The following SAMD8 variants were observed in gnomAD, a reference collection of about 807,000 sequenced individuals.
The protein encoded by SAMD8 is sterile alpha motif domain containing 8, also known as sphingomyelin synthase-related protein 1.
A neutral mutation model predicts 42.0 loss-of-function variants in SAMD8; 20 were observed. That is an observed-to-expected ratio of 0.48 (90% CI 0.34 to 0.69). The LOEUF (loss-of-function observed/expected upper bound fraction) is 0.69, where lower values mean the gene tolerates loss of function less well. Among genes scored for constraint, SAMD8 ranks in the 30% least tolerant of loss-of-function variants. The pLI, the probability that SAMD8 is intolerant of heterozygous loss-of-function variation, is 0.01. For synonymous variants in SAMD8, 162 were observed against 173.0 expected, an observed-to-expected ratio of 0.94 and a Z score of 0.50; for missense variants, 328 against 511.6, an observed-to-expected ratio of 0.64 and a Z score of 3.46.
intron 1 of SAMD8, among the ~76,000 whole-genome samples, chr10:75,146,590 CT>C (rs980043382): frequency 1.3e-5 from 2 of 151,862 alleles, no homozygotes; most frequent in African/African-American, 2.4e-5. Context: ...CTGGCTGAAA[CT>C]TTTTTTTCCC....
At chr10:75,117,858 C>T (rs1050075403) in intron 1 of SAMD8, among the ~76,000 whole-genome samples, 1 of 152,162 alleles carries the variant, frequency 6.6e-6, no homozygotes, top group African/African-American at 2.4e-5. Flanking sequence ...GAACCCTTTA[C>T]CAAATTTATC....
At chr10:75,107,884 A>C, upstream of SAMD8, 1 of 1,321,386 alleles carries the variant, frequency 7.6e-7, no homozygotes, top group Non-Finnish European at 1.0e-6. Context: ...GCCTAAGCAG[A>C]GGATTTTTAA....
intron 2 of SAMD8, among the ~76,000 whole-genome samples, chr10:75,159,246 C>T (rs765802786): frequency 3.3e-5 from 5 of 151,668 alleles, no homozygotes; most frequent in Non-Finnish European, 5.9e-5. Flanking sequence ...TTAGTAGAGA[C>T]GGGGTTTCAC....
chr10:75,171,101 A>T (rs1250325332), intron 4 of SAMD8, among the ~76,000 whole-genome samples: 1 of 141,358 alleles, frequency 7.1e-6, no homozygotes, highest in Admixed American at 7.0e-5. Context: ...ACAAGGTAGG[A>T]TTATATTGCA....
At chr10:75,134,909 A>AT (rs1472054885) in intron 1 of SAMD8, among the ~76,000 whole-genome samples, 2 of 151,932 alleles carry the variant, frequency 1.3e-5, no homozygotes, top group Non-Finnish European at 2.9e-5. Flanking sequence ...AGTAAAAAAA[A>AT]AATTAGCCAA....
At chr10:75,136,626 A>C (rs575161644) in intron 1 of SAMD8, among the ~76,000 whole-genome samples, 12 of 152,194 alleles carry the variant, frequency 7.9e-5, no homozygotes, top group Non-Finnish European at 1.5e-4. Flanking sequence ...TTCTACTACA[A>C]TATTTAAATT....
intron 1 of SAMD8, among the ~76,000 whole-genome samples, chr10:75,141,959 A>T (rs1486403054): frequency 1.3e-5 from 2 of 151,328 alleles, no homozygotes; most frequent in African/African-American, 2.4e-5. Flanking sequence ...CTTGCTTTTT[A>T]AAAAAATTTT....
At chr10:75,129,458 C>G (rs1053993104) in intron 1 of SAMD8, among the ~76,000 whole-genome samples, 1 of 152,094 alleles carries the variant, frequency 6.6e-6, no homozygotes, top group Non-Finnish European at 1.5e-5. Context: ...CCAGGAGGCT[C>G]TCATCTCCTG....
At chr10:75,122,943 C>T (rs943187909) in intron 1 of SAMD8, among the ~76,000 whole-genome samples, 1 of 152,116 alleles carries the variant, frequency 6.6e-6, no homozygotes, top group Non-Finnish European at 1.5e-5. Flanking sequence ...CCTTGCATCC[C>T]TGGAATGAAC....
chr10:75,161,131 C>G (rs1840547809), intron 2 of SAMD8, among the ~76,000 whole-genome samples: 1 of 152,156 alleles, frequency 6.6e-6, no homozygotes, highest in South Asian at 2.1e-4. Context: ...GTGGTCTGTT[C>G]TCCAGAGCAG....
At chr10:75,140,191 A>C (rs1163519626) in intron 1 of SAMD8, among the ~76,000 whole-genome samples, 7 of 152,188 alleles carry the variant, frequency 4.6e-5, no homozygotes, top group Non-Finnish European at 8.8e-5. Flanking sequence ...GATAGGCAGA[A>C]GTCCCCGGGT....
intron 1 of SAMD8, among the ~76,000 whole-genome samples, chr10:75,102,868 T>C (rs1201186241): frequency 6.6e-6 from 1 of 151,884 alleles, no homozygotes; most frequent in Admixed American, 6.6e-5. Context: ...AGGAGAATCA[T>C]TTGAACCCGG....
rs555689681 is a variant in SAMD8, at chr10:75,105,646, C to T, written c.-16+5918C>T. On this transcript the variant is annotated intron_variant, in intron 1 of 3. Coordinates refer to the SAMD8 transcript ENST00000447533. ...TCCGGCCAACCACATCCAGCTTTGCCCCCTGAGGCCTCACCTGGCCCCTCA... is the reference window on the plus strand; with the variant it reads ...TCCGGCCAACCACATCCAGCTTTGCTCCCTGAGGCCTCACCTGGCCCCTCA... The T allele has an allele frequency of 6.3e-4, 980 of 1,546,106 alleles. 4 individuals are homozygous for T. Among genetic ancestry groups the T allele is most frequent in the Middle Eastern group, 3.4e-3 (15 of 4,352 alleles).
At chr10:75,139,709 T>C (rs1053918640) in intron 1 of SAMD8, among the ~76,000 whole-genome samples, 13 of 152,234 alleles carry the variant, frequency 8.5e-5, no homozygotes, top group Non-Finnish European at 1.6e-4. Context: ...TCTATATATT[T>C]GGCTTTTTAT....
At position 75,118,804 on chromosome 10, in the gene SAMD8, A is replaced by G. The variant is rs148717734; in HGVS notation, c.-16+7082A>G. On this transcript the variant is annotated intron_variant, in intron 1 of 5. Transcript: ENST00000542569. ...ATAAACTACAGAGTTATTAATCACA[A>G]AGTTTAGCCATATATGCCCAAATTA... Among the ~76,000 whole-genome samples the G allele has an allele frequency of 3.2e-3, 484 of 152,300 alleles. 1 individual carries two copies. Among genetic ancestry groups the G allele is most frequent in the African/African-American group, 0.011 (441 of 41,570 alleles).
At chr10:75,107,015 T>C (rs1848558717), upstream of SAMD8, among the ~76,000 whole-genome samples, 1 of 152,184 alleles carries the variant, frequency 6.6e-6, no homozygotes, top group Admixed American at 6.5e-5. Context: ...TCCTGAGTAT[T>C]TGAAGATATA....
At chr10:75,109,041 G>A (rs753548736), upstream of SAMD8, 29 of 1,611,048 alleles carry the variant, frequency 1.8e-5, no homozygotes, top group Admixed American at 1.8e-4. Flanking sequence ...GCCAAACTTC[G>A]TCCACACGGC....
At chr10:75,122,410 G>A (rs1589936164) in intron 1 of SAMD8, among the ~76,000 whole-genome samples, 1 of 151,926 alleles carries the variant, frequency 6.6e-6, no homozygotes, top group Non-Finnish European at 1.5e-5. Flanking sequence ...TCAGGCATTC[G>A]AGACCAGCTT....
intron 1 of SAMD8, among the ~76,000 whole-genome samples, chr10:75,114,265 G>A (rs1209309108): frequency 6.6e-6 from 1 of 151,130 alleles, no homozygotes; most frequent in Non-Finnish European, 1.5e-5. Context: ...CTTGAACCCG[G>A]GAAGCAGAGG....
Sources: gnomAD v4.1 joint callset for allele counts (sites outside exome capture counted in the v4.1 genomes callset) on GRCh38, gnomAD v4.1.1 for gene constraint, MANE v1.5 for transcripts, NCBI Gene and HGNC (gene_info 2026-07-23, HGNC 2026-07-21) for gene names.